HERC3: variants seen among roughly 807,000 people sequenced by gnomAD.
HERC3 encodes HECT and RLD domain containing E3 ubiquitin protein ligase 3.
A neutral mutation model predicts 129.9 loss-of-function variants in HERC3; 58 were observed. That is an observed-to-expected ratio of 0.45 (90% CI 0.36 to 0.56). HERC3 has a LOEUF of 0.56. Ranked by LOEUF, HERC3 falls within the 20% of genes least tolerant of loss-of-function variation. The pLI is 0.00. For missense variants in HERC3, 835 were observed against 1,244.2 expected (o/e 0.67, Z 4.95); for synonymous variants, 430 against 451.0 (o/e 0.95, Z 0.59).
chr4:88,541,015 T>C, the HERC3 span, among the ~76,000 whole-genome samples: 1 of 152,256 alleles, frequency 6.6e-6, no homozygotes, highest in African/African-American at 2.4e-5. Context: ...CCATCAATAC[T>C]AGGAAGAAAC....
At chr4:88,579,069 G>A in the HERC3 span, among the ~76,000 whole-genome samples, 5 of 152,066 alleles carry the variant, frequency 3.3e-5, no homozygotes, top group Non-Finnish European at 7.4e-5. Flanking sequence ...TGTAGGTTGT[G>A]GGACAGTGTG....
At chr4:88,532,170 A>T in the HERC3 span, among the ~76,000 whole-genome samples, 1 of 152,174 alleles carries the variant, frequency 6.6e-6, no homozygotes, top group South Asian at 2.1e-4. Flanking sequence ...GTGGCCTGAA[A>T]CACTATATAG....
intron 19 of HERC3, among the ~76,000 whole-genome samples, chr4:88,679,324 A>G (rs1732501584): frequency 6.6e-6 from 1 of 152,188 alleles, no homozygotes; most frequent in Non-Finnish European, 1.5e-5. Context: ...CTTCTCTTCT[A>G]CATGCAGCAG....
the HERC3 span, among the ~76,000 whole-genome samples, chr4:88,552,025 A>G: frequency 6.6e-6 from 1 of 151,838 alleles, no homozygotes; most frequent in African/African-American, 2.4e-5. Flanking sequence ...TCAGTAAACT[A>G]TCGCAAGGAC....
At chr4:88,547,921 G>T in the HERC3 span, among the ~76,000 whole-genome samples, 24 of 152,284 alleles carry the variant, frequency 1.6e-4, no homozygotes, top group East Asian at 3.7e-3. Context: ...CTCCCAAAGT[G>T]CTGGGATTAC....
chr4:88,675,457 G>A (rs1041596764), intron 16 of HERC3, among the ~76,000 whole-genome samples: 2 of 151,958 alleles, frequency 1.3e-5, no homozygotes, highest in African/African-American at 4.8e-5. Flanking sequence ...TACACCCATG[G>A]TTTTCTTTTT....
intron 3 of HERC3, among the ~76,000 whole-genome samples, chr4:88,640,710 A>G (rs1240717907): frequency 1.3e-5 from 2 of 152,220 alleles, no homozygotes; most frequent in African/African-American, 4.8e-5. Flanking sequence ...CGTTCTGCAC[A>G]TGTGTCCTGG....
At chr4:88,667,785 G>T in intron 13 of HERC3, 107 bp from the exon 14 acceptor site, 1 of 823,676 alleles carries the variant, frequency 1.2e-6, no homozygotes, top group East Asian at 2.5e-5. Context: ...TCAGTGCATA[G>T]TGAATGAATG....
intron 3 of HERC3, among the ~76,000 whole-genome samples, chr4:88,611,785 T>C (rs1342795456): frequency 6.6e-6 from 1 of 152,236 alleles, no homozygotes; most frequent in Non-Finnish European, 1.5e-5. Context: ...TGATTGGACT[T>C]GTTAATATTT....
At chr4:88,585,362 C>T in the HERC3 span, among the ~76,000 whole-genome samples, 1 of 152,172 alleles carries the variant, frequency 6.6e-6, no homozygotes, top group Non-Finnish European at 1.5e-5. Context: ...CTATATAAAG[C>T]ATGGGGCACA....
At position 88,681,119 on chromosome 4, in the gene HERC3, T is replaced by C. The variant is rs148878243; in HGVS notation, c.2341-40T>C. Reference sequence around the variant, plus strand: ...GTAGAATGTTTGAAGGCCAGAAACATTGCATTTCTTTTTAACACATTTGTA... The same window carrying C: ...GTAGAATGTTTGAAGGCCAGAAACACTGCATTTCTTTTTAACACATTTGTA... On this transcript the variant is annotated intron_variant, in intron 20 of 25. Transcript: ENST00000402738. The C allele has an allele frequency of 7.1e-6, 11 of 1,544,240 alleles. No individual in the cohort carries two copies. In the African/African-American group the frequency reaches 1.1e-4, roughly 15 times the overall value.
the HERC3 span, among the ~76,000 whole-genome samples, chr4:88,537,176 T>A: frequency 2.0e-5 from 3 of 152,306 alleles, no homozygotes; most frequent in South Asian, 6.2e-4. Context: ...GAATTTAAAT[T>A]TCACCATTTG....
At chr4:88,568,702 T>G in the HERC3 span, among the ~76,000 whole-genome samples, 63 of 151,908 alleles carry the variant, frequency 4.1e-4, no homozygotes, top group Non-Finnish European at 8.2e-4. Flanking sequence ...GGAGGGCCCT[T>G]TCCTTCAAGT....
intron 21 of HERC3, among the ~76,000 whole-genome samples, chr4:88,685,879 CT>C (rs773716996): frequency 6.6e-6 from 1 of 152,064 alleles, no homozygotes; most frequent in East Asian, 1.9e-4. Context: ...ACTTTTATGT[CT>C]CTTCAGTCTC....
At chr4:88,653,300 G>T (rs932439672) in intron 6 of HERC3, among the ~76,000 whole-genome samples, 1 of 152,228 alleles carries the variant, frequency 6.6e-6, no homozygotes, top group Non-Finnish European at 1.5e-5. Context: ...TGAGAGTGCA[G>T]CTTCCTGCTT....
At chr4:88,697,666 C>T (rs781737686) in intron 23 of HERC3, 4 of 1,613,112 alleles carry the variant, frequency 2.5e-6, no homozygotes, top group Non-Finnish European at 2.5e-6. Flanking sequence ...CTGCGCACCG[C>T]CTTCCGCCAT....
chr4:88,617,992 G>C (rs555167863), intron 3 of HERC3, among the ~76,000 whole-genome samples: 1 of 152,364 alleles, frequency 6.6e-6, no homozygotes, highest in South Asian at 2.1e-4. Flanking sequence ...AGTGAATGCT[G>C]GGTCTCCTCC....
intron 3 of HERC3, among the ~76,000 whole-genome samples, chr4:88,617,198 A>G (rs962381464): frequency 4.6e-5 from 7 of 151,070 alleles, no homozygotes; most frequent in Admixed American, 2.0e-4. Context: ...AAAAAAAAAA[A>G]AAAGAAATTG....
At chr4:88,658,056 C>A (rs1730108276) in intron 9 of HERC3, among the ~76,000 whole-genome samples, 1 of 152,124 alleles carries the variant, frequency 6.6e-6, no homozygotes, top group Non-Finnish European at 1.5e-5. Flanking sequence ...CCTGACGGGG[C>A]CTGGGCCCAC....
Sources: gnomAD v4.1 joint callset for allele counts (sites outside exome capture counted in the v4.1 genomes callset) on GRCh38, gnomAD v4.1.1 for gene constraint, MANE v1.5 for transcripts, NCBI Gene and HGNC (gene_info 2026-07-23, HGNC 2026-07-21) for gene names.